Variants in PRKD1 observed in about 807,000 individuals in gnomAD.
PRKD1 encodes the protein protein kinase D1, also known as serine/threonine-protein kinase D1.
A neutral mutation model predicts 95.9 loss-of-function variants in PRKD1; 63 were observed. The observed-to-expected ratio is 0.66, with a 90% CI of 0.54 to 0.81. The LOEUF (loss-of-function observed/expected upper bound fraction) is 0.81. Among genes scored for constraint, PRKD1 ranks in the 30% least tolerant of loss-of-function variants. The pLI is 0.00. For missense variants in PRKD1, 1,048 were observed against 1,165.3 expected (o/e 0.90, Z 1.47); for synonymous variants, 425 against 423.1 (o/e 1.00, Z -0.05).
At chr14:29,833,063 A>G (rs11624659) in intron 1 of PRKD1, among the ~76,000 whole-genome samples, 2,660 of 152,202 alleles carry the variant, frequency 0.017, 90 homozygotes, top group Admixed American at 0.08. Context: ...TATGTAAGAA[A>G]AGCAATTATA....
intron 9 of PRKD1, among the ~76,000 whole-genome samples, 179 bp downstream of exon 9, chr14:29,632,687 CAAG>C (rs1231764265): frequency 6.6e-6 from 1 of 151,860 alleles, no homozygotes; most frequent in East Asian, 1.9e-4. Flanking sequence ...ACAGAAGAAT[CAAG>C]AGGTCCCAAC....
intron 1 of PRKD1, among the ~76,000 whole-genome samples, chr14:29,789,710 C>T (rs553808434): frequency 6.6e-6 from 1 of 152,212 alleles, no homozygotes; most frequent in African/African-American, 2.4e-5. Flanking sequence ...CCCCTAGACA[C>T]CATGCATGTA....
chr14:29,753,350 T>G (rs1887563675), intron 1 of PRKD1, among the ~76,000 whole-genome samples: 1 of 152,108 alleles, frequency 6.6e-6, no homozygotes, highest in African/African-American at 2.4e-5. Flanking sequence ...TTCTCCACAT[T>G]TTTGGTGCCC....
At chr14:29,674,479 A>C (rs191204604) in intron 2 of PRKD1, among the ~76,000 whole-genome samples, 9 of 152,296 alleles carry the variant, frequency 5.9e-5, no homozygotes, top group Admixed American at 5.9e-4. Context: ...AGCTGGAAAG[A>C]GATTAGAGAG....
chr14:29,898,742 G>T (rs1196816625), intron 1 of PRKD1, among the ~76,000 whole-genome samples: 2 of 152,140 alleles, frequency 1.3e-5, no homozygotes, highest in Non-Finnish European at 2.9e-5. Flanking sequence ...CTTCAATCCT[G>T]TCCAAATGAT....
chr14:29,619,700 T>C (rs1879117405), intron 13 of PRKD1, among the ~76,000 whole-genome samples: 1 of 152,100 alleles, frequency 6.6e-6, no homozygotes, highest in Non-Finnish European at 1.5e-5. Context: ...GGTGTTAGAG[T>C]AGTGCTCATG....
chr14:29,596,008 A>G (rs1164769500), intron 16 of PRKD1, among the ~76,000 whole-genome samples: 1 of 152,228 alleles, frequency 6.6e-6, no homozygotes, highest in Non-Finnish European at 1.5e-5. Context: ...GAATTATGAA[A>G]AATATTTAAT....
At position 29,687,406 on chromosome 14, in the gene PRKD1, A is replaced by G. The variant is rs148116083; in HGVS notation, c.404-21198T>C. ...AAAAGGGGAAAATAATGAAATATAT[A>G]CTTATCTCTTCACAGTAGCTCTATC... On this transcript the variant is annotated intron_variant, in intron 2 of 17. Coordinates refer to ENST00000331968, the MANE Select transcript of PRKD1 (RefSeq NM_002742.3). Among the ~76,000 whole-genome samples, 4 of 152,308 alleles carry G rather than the reference A, an allele frequency of 2.6e-5. No homozygotes were observed. The East Asian group carries it at 7.7e-4, about 29-fold the overall frequency.
chr14:29,762,437 C>A (rs1161764256), intron 1 of PRKD1, among the ~76,000 whole-genome samples: 2 of 152,178 alleles, frequency 1.3e-5, no homozygotes, highest in African/African-American at 2.4e-5. Flanking sequence ...TTTGAGTGAA[C>A]CCCCTGGAAT....
chr14:29,637,336 C>T (rs1017921867), intron 6 of PRKD1, among the ~76,000 whole-genome samples: 1 of 152,076 alleles, frequency 6.6e-6, no homozygotes, highest in African/African-American at 2.4e-5. Context: ...TAATATTGAA[C>T]CTGTCATTAT....
At chr14:29,634,099 C>G (rs911597228) in intron 8 of PRKD1, among the ~76,000 whole-genome samples, 1 of 152,154 alleles carries the variant, frequency 6.6e-6, no homozygotes, top group Non-Finnish European at 1.5e-5. Flanking sequence ...CTATAAAATT[C>G]TAAATTGCAG....
chr14:29,676,036 C>T (rs542370735), intron 2 of PRKD1, among the ~76,000 whole-genome samples: 4 of 151,328 alleles, frequency 2.6e-5, no homozygotes, highest in South Asian at 2.1e-4. Flanking sequence ...GTAAATGACG[C>T]GTTAATGGGT....
At chr14:29,607,653 G>T (rs1395655307) in intron 13 of PRKD1, among the ~76,000 whole-genome samples, 1 of 150,844 alleles carries the variant, frequency 6.6e-6, no homozygotes, top group Admixed American at 6.6e-5. Flanking sequence ...CTCACACTTT[G>T]AATCTTTGTG....
chr14:29,843,993 G>T (rs948099717), intron 1 of PRKD1, among the ~76,000 whole-genome samples: 3 of 152,122 alleles, frequency 2.0e-5, no homozygotes, highest in African/African-American at 4.8e-5. Flanking sequence ...TTATCATCAA[G>T]ATACTAATAG....
chr14:29,611,321 T>C (rs928744336), intron 13 of PRKD1, among the ~76,000 whole-genome samples: 1 of 152,186 alleles, frequency 6.6e-6, no homozygotes. Flanking sequence ...AAAAATAAAG[T>C]CTTTTAAAAT....
intron 1 of PRKD1, among the ~76,000 whole-genome samples, chr14:29,833,729 T>G (rs1415882793): frequency 2.0e-5 from 3 of 152,096 alleles, no homozygotes; most frequent in African/African-American, 7.2e-5. Flanking sequence ...TTCTGAGTGA[T>G]CTCAAAATAA....
chr14:29,769,802 C>T lies in PRKD1; in HGVS notation c.265-44128G>A, dbSNP rs1039059479. 2.6e-5 allele frequency among the ~76,000 whole-genome samples: 4 copies of T among 152,262 alleles called. No individual in the cohort carries two copies. The East Asian group carries it at 7.7e-4, about 29-fold the overall frequency. ...ACATAAACATTCAGAATTCAGACAA[C>T]ACATTATTAAACACTGTAGATGTAC... On this transcript the variant is annotated intron_variant, in intron 1 of 17. Transcript: ENST00000331968.
intron 1 of PRKD1, among the ~76,000 whole-genome samples, chr14:29,774,461 C>A (rs532314440): frequency 6.6e-6 from 1 of 152,126 alleles, no homozygotes; most frequent in South Asian, 2.1e-4. Flanking sequence ...GAACATTTTA[C>A]CAATAATAAT....
chr14:29,899,302 CAT>C (rs1894239572), intron 1 of PRKD1, among the ~76,000 whole-genome samples: 1 of 152,022 alleles, frequency 6.6e-6, no homozygotes, highest in African/African-American at 2.4e-5. Context: ...CAAAAAAACA[CAT>C]AATCTATTTT....
Sources: allele counts gnomAD v4.1 joint callset (sites outside exome capture counted in the v4.1 genomes callset), GRCh38; gene constraint gnomAD v4.1.1; transcripts MANE v1.5; gene names NCBI Gene and HGNC (gene_info 2026-07-23, HGNC 2026-07-21).